Variants in AGMO observed in about 807,000 individuals in gnomAD.
The protein encoded by AGMO is alkylglycerol monooxygenase, also known as glyceryl-ether monooxygenase.
A neutral mutation model predicts 60.2 loss-of-function variants in AGMO; 75 were observed. The ratio of observed to expected loss-of-function variants is 1.25; its 90% CI spans 1.03 to 1.51. The LOEUF (loss-of-function observed/expected upper bound fraction) is 1.51. Ranked by LOEUF, AGMO falls within the 40% of genes most tolerant of loss-of-function variation. The pLI is 0.00. For synonymous variants in AGMO, 261 were observed against 177.1 expected (o/e 1.47, Z -3.76); for missense variants, 763 against 525.5 (o/e 1.45, Z -4.42).
At chr7:15,155,700 A>C in the AGMO span, among the ~76,000 whole-genome samples, 1 of 152,152 alleles carries the variant, frequency 6.6e-6, no homozygotes, top group African/African-American at 2.4e-5. Flanking sequence ...GGAGGTAAAA[A>C]GACACTCTGG....
chr7:15,323,727 G>C (rs966204451), intron 12 of AGMO, among the ~76,000 whole-genome samples: 1 of 152,184 alleles, frequency 6.6e-6, no homozygotes, highest in Non-Finnish European at 1.5e-5. Flanking sequence ...TCCTGACTCT[G>C]GGCTTCAGAG....
At chr7:15,299,886 C>CACACACACACACACACAA (rs774065679) in intron 12 of AGMO, among the ~76,000 whole-genome samples, 11 of 114,692 alleles carry the variant, frequency 9.6e-5, no homozygotes, top group East Asian at 4.7e-4. Flanking sequence ...CACACACACA[C>CACACACACACACACACAA]AGTATGTTTT....
intron 2 of AGMO, among the ~76,000 whole-genome samples, chr7:15,551,229 C>T (rs1784951979): frequency 6.6e-6 from 1 of 152,034 alleles, no homozygotes; most frequent in South Asian, 2.1e-4. Context: ...TGGGCAAAAA[C>T]TGGAAGCATT....
chr7:15,411,205 C>A (rs1412800354), intron 5 of AGMO, among the ~76,000 whole-genome samples: 1 of 151,966 alleles, frequency 6.6e-6, no homozygotes, highest in Non-Finnish European at 1.5e-5. Context: ...CAACAGATGC[C>A]AGTACCTTGA....
intron 12 of AGMO, among the ~76,000 whole-genome samples, chr7:15,250,003 T>A (rs1208537904): frequency 6.6e-6 from 1 of 152,206 alleles, no homozygotes; most frequent in Non-Finnish European, 1.5e-5. Flanking sequence ...GGTCAGTATT[T>A]ATTCCCAGCT....
chr7:15,344,982 G>A (rs1781981502), intron 12 of AGMO, among the ~76,000 whole-genome samples: 1 of 152,012 alleles, frequency 6.6e-6, no homozygotes. Flanking sequence ...TGGTTCTATG[G>A]CTCTATCCTT....
the AGMO span, among the ~76,000 whole-genome samples, chr7:15,192,150 T>C: frequency 1.3e-5 from 2 of 152,022 alleles, no homozygotes; most frequent in Non-Finnish European, 2.9e-5. Context: ...AAGTGTGGGA[T>C]TCCCGACCAA....
intron 10 of AGMO, among the ~76,000 whole-genome samples, chr7:15,368,528 T>C (rs966291906): frequency 5.3e-5 from 8 of 152,152 alleles, no homozygotes; most frequent in African/African-American, 1.2e-4. Flanking sequence ...TATTTGACAT[T>C]TTAAAGCCTC....
rs73679470 is a variant in AGMO, at chr7:15,324,351, A to T, written c.1263+41163T>A. On this transcript the variant is annotated intron_variant, in intron 12 of 12. Transcript: ENST00000342526. ...CCAATCCTGTAAGTTCCAGATCCCA[A>T]GGTCAGCTCTCCTAGTTGCTGATGT... Among the ~76,000 whole-genome samples, 408 of 152,262 alleles carry T rather than the reference A, an allele frequency of 2.7e-3. 3 individuals are homozygous for T. Among genetic ancestry groups the T allele is most frequent in the African/African-American group, 9.4e-3 (389 of 41,562 alleles).
intron 12 of AGMO, among the ~76,000 whole-genome samples, chr7:15,259,371 T>C (rs748534864): frequency 5.3e-5 from 8 of 151,298 alleles, no homozygotes; most frequent in Non-Finnish European, 1.2e-4. Flanking sequence ...GAAAAAAAAA[T>C]TGACAAATGA....
chr7:15,196,013 C>CTCTTT (rs927690156), downstream of AGMO, among the ~76,000 whole-genome samples: 3 of 151,700 alleles, frequency 2.0e-5, no homozygotes, highest in African/African-American at 7.3e-5. Context: ...CTTCCCTCCT[C>CTCTTT]TCTTTTCTTT....
At chr7:15,509,347 T>G (rs529544260) in intron 3 of AGMO, among the ~76,000 whole-genome samples, 4 of 149,602 alleles carry the variant, frequency 2.7e-5, no homozygotes, top group African/African-American at 9.7e-5. Context: ...ATAAATGATG[T>G]TGTGAGAACT....
chr7:15,233,876 G>A (rs1019641927), intron 12 of AGMO, among the ~76,000 whole-genome samples: 14 of 152,002 alleles, frequency 9.2e-5, no homozygotes, highest in African/African-American at 3.1e-4. Flanking sequence ...GTGAAACCCT[G>A]TCTCTACTAA....
chr7:15,245,793 G>A (rs1782722866), intron 12 of AGMO, among the ~76,000 whole-genome samples: 1 of 152,076 alleles, frequency 6.6e-6, no homozygotes, highest in Non-Finnish European at 1.5e-5. Flanking sequence ...TAGCACAAAT[G>A]CTTGGATTTT....
At chr7:15,543,311 A>T (rs117570305) in intron 3 of AGMO, among the ~76,000 whole-genome samples, 1 of 152,130 alleles carries the variant, frequency 6.6e-6, no homozygotes, top group South Asian at 2.1e-4. Context: ...GCCCCTACTT[A>T]TCCCTGCAGA....
At chr7:15,175,381 G>C in the AGMO span, among the ~76,000 whole-genome samples, 1 of 151,926 alleles carries the variant, frequency 6.6e-6, no homozygotes, top group Non-Finnish European at 1.5e-5. Flanking sequence ...GTCTGACAAA[G>C]AAGAGTAGTT....
rs79680188 is a variant in AGMO at position 15,349,587 on chromosome 7, C to G, written c.1263+15927G>C. Among the ~76,000 whole-genome samples the G allele has an allele frequency of 6.9e-4, 105 of 152,108 alleles. No homozygotes were observed. In the Middle Eastern group the frequency reaches 0.01, roughly 15 times the overall value. ...ACAGGTTCCTAGAAATCCTATTCTT[C>G]TCAGTGAATTAATATACAAATGGTG... On this transcript the variant is annotated intron_variant, in intron 12 of 12. Coordinates refer to ENST00000342526, the MANE Select transcript of AGMO (RefSeq NM_001004320.2).
chr7:15,395,258 G>A (rs1018663899), intron 5 of AGMO, among the ~76,000 whole-genome samples: 2 of 152,098 alleles, frequency 1.3e-5, no homozygotes, highest in Admixed American at 6.5e-5. Flanking sequence ...TGATGCGAAA[G>A]GGCAAAATAG....
the AGMO span, among the ~76,000 whole-genome samples, chr7:15,123,904 T>A: frequency 2.1e-4 from 32 of 151,954 alleles, no homozygotes; most frequent in African/African-American, 4.6e-4. Context: ...TACGCTTTGC[T>A]GGGACAGGTT....
Sources: allele counts gnomAD v4.1 joint callset (sites outside exome capture counted in the v4.1 genomes callset), GRCh38; gene constraint gnomAD v4.1.1; transcripts MANE v1.5; gene names NCBI Gene and HGNC (gene_info 2026-07-23, HGNC 2026-07-21).